The following PCSK7 variants were observed in gnomAD, a reference collection of about 807,000 sequenced individuals.
The protein encoded by PCSK7 is proprotein convertase subtilisin/kexin type 7, also known as lymphoma proprotein convertase.
Under a neutral mutation model 73.3 loss-of-function variants are expected in PCSK7, and 38 were observed. The ratio of observed to expected loss-of-function variants is 0.52; its 90% CI spans 0.40 to 0.68. PCSK7 has a LOEUF of 0.68. PCSK7 is among the 30% of genes least tolerant of loss of function. The pLI is 0.00. For missense variants in PCSK7, 692 were observed against 991.5 expected (o/e 0.70, Z 4.06); for synonymous variants, 296 against 383.8 (o/e 0.77, Z 2.68).
At chr11:117,221,664 G>A (rs2032194318) in intron 9 of PCSK7, 1 of 152,336 alleles carries the variant, frequency 6.6e-6, no homozygotes, top group South Asian at 2.1e-4. Context: ...ATGGAAGAGG[G>A]TGGTGAGGGT....
intron 6 of PCSK7, 70 bp from the exon 7 acceptor site, chr11:117,224,825 G>C: frequency 8.8e-7 from 1 of 1,141,992 alleles, no homozygotes; most frequent in Non-Finnish European, 1.3e-6. Context: ...GCGCCTCCCA[G>C]TCTCAGCTGG....
chr11:117,227,062 G>A (rs1024174220), intron 5 of PCSK7, 95 bp downstream of exon 5: 5 of 994,476 alleles, frequency 5.0e-6, no homozygotes, highest in South Asian at 4.7e-5. Flanking sequence ...GCTGGGCTAT[G>A]GGATAAAGAT....
Position 117,205,887 on chromosome 11 carries a change from G to T in PCSK7, c.*110C>A, listed in dbSNP as rs1189091550. The T allele has an allele frequency of 1.7e-6, 1 of 582,752 alleles. No individual in the cohort carries two copies. Among genetic ancestry groups the T allele is most frequent in the South Asian group, 3.1e-5 (1 of 32,448 alleles). 36.1% of individuals were successfully genotyped at this position (582,752 alleles called of 1,614,324 possible). On this transcript the variant is annotated 3_prime_UTR_variant, in exon 17 of 17. Coordinates refer to ENST00000320934, the MANE Select transcript of PCSK7 (RefSeq NM_004716.4). ...AAGAAGGCCCTCACCCTCTTTGAGT[G>T]GAGTCAGAGGATGCCTCAGATTCCA...
Position 117,218,734 on chromosome 11 carries a change from G to T in PCSK7, c.1432-166C>A. The T allele has an allele frequency of 1.7e-6, 1 of 577,716 alleles. No individual in the cohort carries two copies. The highest frequency in any genetic ancestry group is 3.1e-6 in the Non-Finnish European group (1 of 325,018). 35.8% of individuals were successfully genotyped at this position (577,716 alleles called of 1,614,324 possible). ...GCCCTCAGCTCCTGCTTGCTCGCTG[G>T]AATGCTCCGTACAGCCCCCAGCTAA... On this transcript the variant is annotated intron_variant, in intron 11 of 16. Transcript: ENST00000320934. The surrounding 1 kb of genome is among the most constrained non-coding windows in gnomAD (Gnocchi z 4.0).
chr11:117,219,171 G>T lies in PCSK7; in HGVS notation c.1324-7C>A. Reference sequence around the variant, plus strand: ...CTGCACGGCGATCCTCATACTGAAAGGACAGAGGTCCTGGTTAGTCTCTTG... The same window carrying T: ...CTGCACGGCGATCCTCATACTGAAATGACAGAGGTCCTGGTTAGTCTCTTG... On this transcript the variant is annotated splice_polypyrimidine_tract_variant and splice_region_variant and intron_variant, in intron 10 of 16. Coordinates refer to ENST00000320934, the MANE Select transcript of PCSK7 (RefSeq NM_004716.4). The T allele has an allele frequency of 6.3e-7, 1 of 1,591,664 alleles. No homozygotes were observed. The highest frequency in any genetic ancestry group is 1.3e-5 in the African/African-American group (1 of 74,684).
rs2032550348 is a variant in PCSK7, at chr11:117,229,340, AC to A, written c.468+36del. ...CCATTAAAGAACTGGACTGGAACCT[AC>A]CCACCTGAAACTGCAAACTGCAGGA... On this transcript the variant is annotated intron_variant, in intron 3 of 16. Coordinates refer to ENST00000320934, the MANE Select transcript of PCSK7 (RefSeq NM_004716.4). 4.7e-6 allele frequency: 7 copies of A among 1,497,562 alleles called. No individual in the cohort carries two copies. The East Asian group carries it at 1.4e-4, about 29-fold the overall frequency. 92.8% of individuals were successfully genotyped at this position (1,497,562 alleles called of 1,614,324 possible).
intron 2 of PCSK7, 134 bp from the exon 3 acceptor site, chr11:117,229,990 T>TAA (rs1411547363): frequency 1.7e-6 from 1 of 600,452 alleles, no homozygotes; most frequent in Non-Finnish European, 2.9e-6. Context: ...GTGAAACATT[T>TAA]GATCTTCTCT....
At position 117,205,718 on chromosome 11, in the gene PCSK7, A is replaced by G. The variant is rs2031329796; in HGVS notation, c.*279T>C. Reference sequence around the variant, plus strand: ...ACCTAGGCAGCTGGCTTGGCCCAAGAGAGATGAGGATGGAGGCCAAACCAA... The same window carrying G: ...ACCTAGGCAGCTGGCTTGGCCCAAGGGAGATGAGGATGGAGGCCAAACCAA... On this transcript the variant is annotated 3_prime_UTR_variant, in exon 17 of 17. Coordinates refer to ENST00000320934, the MANE Select transcript of PCSK7 (RefSeq NM_004716.4). The G allele has an allele frequency of 2.9e-6, 1 of 345,348 alleles. No homozygotes were observed. The highest frequency in any genetic ancestry group is 5.2e-6 in the Non-Finnish European group (1 of 191,584). The allele number at this position is 345,348 out of a possible 1,614,324, so 21.4% of individuals were successfully genotyped here. A position where few individuals can be genotyped will look rare whatever the true frequency, so the allele number is the denominator to read the frequency against.
At chr11:117,224,834 G>A (rs2032350050) in intron 6 of PCSK7, 79 bp from the exon 7 acceptor site, 2 of 1,066,318 alleles carry the variant, frequency 1.9e-6, no homozygotes, top group African/African-American at 1.6e-5. Flanking sequence ...AGTCTCAGCT[G>A]GCTGCCCTTT....
intron 1 of PCSK7, 52 bp downstream of exon 1, chr11:117,231,975 C>T (rs1017661567): frequency 1.7e-4 from 26 of 152,712 alleles, no homozygotes; most frequent in African/African-American, 5.8e-4. Context: ...TCCCCCACTT[C>T]TGGGGCCCCC....
chr11:117,222,652 C>CT (rs35511974), intron 9 of PCSK7: 39,108 of 147,030 alleles, frequency 0.27, 5,450 homozygotes, highest in African/African-American at 0.38. Flanking sequence ...CACTTAGTTT[C>CT]TTTTTTTTTT....
Position 117,204,511 on chromosome 11 carries a change from A to G in PCSK7, c.*1486T>C. The G allele has an allele frequency of 8.3e-7, 1 of 1,209,680 alleles. No homozygotes were observed. The highest frequency in any genetic ancestry group is 1.3e-5 in the South Asian group (1 of 77,312). 74.9% of individuals were successfully genotyped at this position (1,209,680 alleles called of 1,614,324 possible). A position where few individuals can be genotyped will look rare whatever the true frequency, so the allele number is the denominator to read the frequency against. ...TGAGCAATGGTAACTGCACCTGGGC[A>G]GCTCCTCCCTGTGCCCCCAGCCTCA... On this transcript the variant is annotated 3_prime_UTR_variant, in exon 17 of 17. Coordinates refer to ENST00000320934, the MANE Select transcript of PCSK7 (RefSeq NM_004716.4).
rs758663505 is a variant in PCSK7 at position 117,206,299 on chromosome 11, C to T, written c.2056G>A (p.Val686Ile). The T allele has an allele frequency of 1.7e-5, 27 of 1,614,088 alleles. No individual in the cohort carries two copies. The highest frequency in any genetic ancestry group is 1.2e-5 in the Non-Finnish European group (14 of 1,180,034). The change falls in exon 17 of 17, where the codon GTA becomes ATA. Residue 686 changes from valine to isoleucine, a missense_variant. Coordinates refer to ENST00000320934, the MANE Select transcript of PCSK7 (RefSeq NM_004716.4). ...VFWTVYYMLE[V>I]YLSQRNVASN... Reference sequence around the variant, plus strand: ...GCCACATTCCTCTGGCTCAAATATACTTCCAGCATGTAGTAAACAGTCCAG... The same window carrying T: ...GCCACATTCCTCTGGCTCAAATATATTTCCAGCATGTAGTAAACAGTCCAG...
intron 9 of PCSK7, 150 bp from the exon 10 acceptor site, chr11:117,219,908 T>A: frequency 1.9e-6 from 1 of 522,540 alleles, no homozygotes; most frequent in Non-Finnish European, 3.4e-6. Flanking sequence ...CACTCCAGCC[T>A]AGGTGGCTGA....
At chr11:117,211,458 C>G (rs896419508) in intron 12 of PCSK7, 2 of 152,240 alleles carry the variant, frequency 1.3e-5, no homozygotes, top group African/African-American at 4.8e-5. Context: ...AAGCCAATGT[C>G]CCATTTCTTT....
chr11:117,226,413 G>C (rs536025861), intron 5 of PCSK7: 1 of 236,330 alleles, frequency 4.2e-6, no homozygotes, highest in South Asian at 5.8e-5. Context: ...TGGGATTACA[G>C]GTGTGATCCC....
intron 3 of PCSK7, 132 bp downstream of exon 3, chr11:117,229,245 C>T (rs1465547274): frequency 4.0e-6 from 3 of 755,298 alleles, no homozygotes; most frequent in African/African-American, 1.7e-5. Flanking sequence ...CCTAGGGAAA[C>T]ACCACAGAAC....
chr11:117,225,042 G>A, intron 6 of PCSK7: 1 of 238,542 alleles, frequency 4.2e-6, no homozygotes, highest in Non-Finnish European at 8.2e-6. Context: ...CTAGGGATCA[G>A]AGACATGTAG....
At position 117,206,950 on chromosome 11, in the gene PCSK7, T is replaced by G. The variant is rs2031447640; in HGVS notation, c.1880+117A>C. On this transcript the variant is annotated intron_variant, in intron 15 of 16. Transcript: ENST00000320934. ...TGTGAGTTCCCAGCCCGGGGCTCCA[T>G]CTACCGGCTTGACGCTGGAACTGGG... The G allele has an allele frequency of 6.9e-6, 9 of 1,309,346 alleles. 1 individual carries two copies. The highest frequency in any genetic ancestry group is 9.9e-6 in the Non-Finnish European group (9 of 910,180). 81.1% of individuals were successfully genotyped at this position (1,309,346 alleles called of 1,614,324 possible).
Sources: gnomAD v4.1 joint callset for allele counts on GRCh38, gnomAD v4.1.1 for gene constraint, Gnocchi (gnomAD v3.1) non-coding constraint, MANE v1.5 for transcripts, NCBI Gene and HGNC (gene_info 2026-07-23, HGNC 2026-07-21) for gene names.